Variants in AOC3 observed in about 807,000 individuals in gnomAD.
The protein encoded by AOC3 is amine oxidase copper containing 3.
Under a neutral mutation model 55.4 loss-of-function variants are expected in AOC3, and 47 were observed. That is an observed-to-expected ratio of 0.85 (90% CI 0.67 to 1.08). The LOEUF (loss-of-function observed/expected upper bound fraction) is 1.08. Ranked by LOEUF, AOC3 falls within the 50% of genes least tolerant of loss-of-function variation. The pLI is 0.00. For missense variants in AOC3, 853 were observed against 993.1 expected (o/e 0.86, Z 1.90); for synonymous variants, 386 against 410.7 (o/e 0.94, Z 0.73).
Position 42,852,279 on chromosome 17 carries a change from C to A in AOC3, c.936C>A (p.Pro312=). 3.7e-6 allele frequency: 6 copies of A among 1,614,048 alleles called. No individual in the cohort carries two copies. Among genetic ancestry groups the A allele is most frequent in the Non-Finnish European group, 5.1e-6 (6 of 1,180,012 alleles). ...CCCCTGTGCCCCCGGGTCCAGCTCC[C>A]CCTCTACAGTTCTATCCCCAAGGCC... The part of the protein sequence containing the change: ...LKSPVPPGPA[P]PLQFYPQGPR... Residue 312 remains proline (P), a synonymous_variant, in exon 1 of 4, where the codon CCC becomes CCA. Transcript: ENST00000308423.
Position 42,852,397 on chromosome 17 carries a change from G to GT in AOC3, c.1056dup (p.Arg353SerfsTer10), listed in dbSNP as rs766193612. 1.2e-5 allele frequency: 19 copies of GT among 1,614,048 alleles called. 1 individual carries two copies. In the East Asian group the frequency reaches 2.5e-4, roughly 21 times the overall value. ...ATTCAGTGGCCCAAGGATCTTTGAC[G>GT]TTCGCTTCCAAGGAGAAAGACTAGT... On this transcript the variant is annotated frameshift_variant, in exon 1 of 4. Transcript: ENST00000308423. LOFTEE classifies it high-confidence loss of function.
At position 42,856,409 on chromosome 17, in the gene AOC3, C is replaced by G. The variant is rs760248266; in HGVS notation, c.2151C>G (p.Phe717Leu). The G allele has an allele frequency of 6.2e-7, 1 of 1,614,192 alleles. No individual in the cohort carries two copies. Among genetic ancestry groups the G allele is most frequent in the Non-Finnish European group, 8.5e-7 (1 of 1,180,022 alleles). The stretch of plus-strand genomic sequence containing the variant: ...ACTTCTTTGACGAAGACCCCTCCTT[C>G]TACTCTGCCGACTCCATCTACTTCC... ...PYNFFDEDPS[F>L]YSADSIYFRG... Residue 717 changes from phenylalanine (F) to leucine (L), a missense_variant, in exon 4 of 4, where the codon TTC (phenylalanine) becomes TTG (leucine). Physicochemically the swap from Phe to Leu is conservative, Grantham distance 22. Transcript: ENST00000308423.
intron 2 of AOC3, among the ~76,000 whole-genome samples, 170 bp downstream of exon 2, chr17:42,854,903 G>C (rs34810125): frequency 1.3e-4 from 19 of 149,862 alleles, no homozygotes; most frequent in African/African-American, 4.0e-4. Context: ...CCAGGCCGGA[G>C]TGCAGTGGAG....
Position 42,856,484 on chromosome 17 carries a change from G to T in AOC3, c.2226G>T (p.Leu742=). 1 of 1,611,692 alleles carries T rather than the reference G, an allele frequency of 6.2e-7. No individual in the cohort carries two copies. The highest frequency in any genetic ancestry group is 1.7e-4 in the Middle Eastern group (1 of 5,918). ...GACEVNPLAC[L]PQAAACAPDL... is the part of the protein sequence containing the mutation. ...GCGAGGTCAACCCCCTAGCTTGCCT[G>T]CCCCAGGCTGCTGCCTGTGCCCCCG... The change falls in exon 4 of 4, where the codon CTG becomes CTT. Residue 742 remains leucine (L), a synonymous_variant. Coordinates refer to ENST00000308423, the MANE Select transcript of AOC3 (RefSeq NM_003734.4).
rs951153581 is a variant in AOC3, at chr17:42,856,964, A to G, written c.*414A>G. On this transcript the variant is annotated 3_prime_UTR_variant, in exon 4 of 4. Coordinates refer to ENST00000308423, the MANE Select transcript of AOC3 (RefSeq NM_003734.4). ...CTGCAAGTCCATAGCTGAGCTGGAA[A>G]GGATGCTTCTGCTCACATTCCCTCT... 1.0e-5 allele frequency: 2 copies of G among 197,678 alleles called. No individual in the cohort carries two copies. The highest frequency in any genetic ancestry group is 4.7e-5 in the African/African-American group (2 of 42,738). The allele number at this position is 197,678 out of a possible 1,614,324, so 12.2% of individuals were successfully genotyped here.
rs1475773888 is a variant in AOC3 at position 42,851,926 on chromosome 17, C to T, written c.583C>T (p.Leu195Phe). Residue 195 changes from leucine (L) to phenylalanine (F), a missense_variant, in exon 1 of 4, where the codon CTC (leucine) becomes TTC (phenylalanine). Physicochemically the swap from Leu to Phe is conservative, Grantham distance 22. Transcript: ENST00000308423. ...NRELPQASGL[L>F]HHCCFYKHRG... ...AGAGCTGCCCCAGGCTTCTGGGCTT[C>T]TCCACCACTGTTGCTTCTACAAGCA... 1.2e-6 allele frequency: 2 copies of T among 1,613,794 alleles called. No homozygotes were observed. The highest frequency in any genetic ancestry group is 1.7e-4 in the Middle Eastern group (1 of 6,058).
In AOC3 at chr17:42,856,782, A is replaced by G; in HGVS notation, c.*232A>G. On this transcript the variant is annotated 3_prime_UTR_variant, in exon 4 of 4. Transcript: ENST00000308423. ...TGCCAGCTGTACTGAGTTCTCATCCACAGAGGCCAGGCATGGCCCAGCCTG... is the reference window on the plus strand; with the variant it reads ...TGCCAGCTGTACTGAGTTCTCATCCGCAGAGGCCAGGCATGGCCCAGCCTG... The G allele has an allele frequency of 1.7e-6, 1 of 594,048 alleles. No homozygotes were observed. Among genetic ancestry groups the G allele is most frequent in the Middle Eastern group, 4.5e-4 (1 of 2,238 alleles). The allele number at this position is 594,048 out of a possible 1,614,324, so 36.8% of individuals were successfully genotyped here.
rs79713863 is a variant in AOC3 at position 42,853,734 on chromosome 17, C to T, written c.1601-714C>T. ...TTGTTGCTCTCAGAGCCAAGAGCCA[C>T]TCTGCACCCAGAGGGCCTCCCATCC... On this transcript the variant is annotated intron_variant, in intron 1 of 3. Transcript: ENST00000308423. Among the ~76,000 whole-genome samples, 47 of 152,344 alleles carry T rather than the reference C, an allele frequency of 3.1e-4. 1 individual carries two copies. In the Middle Eastern group the frequency reaches 0.01, roughly 33 times the overall value.
rs1170704938 is a variant in AOC3, at chr17:42,856,833, A to G, written c.*283A>G. ...GAGCCGTGGCCGAGGGCTTCCCTAGATGGTTCCCTTTGTTGCTGTCTGGCT... is the reference window on the plus strand; with the variant it reads ...GAGCCGTGGCCGAGGGCTTCCCTAGGTGGTTCCCTTTGTTGCTGTCTGGCT... On this transcript the variant is annotated 3_prime_UTR_variant, in exon 4 of 4. Coordinates refer to ENST00000308423, the MANE Select transcript of AOC3 (RefSeq NM_003734.4). 1 of 484,722 alleles carries G rather than the reference A, an allele frequency of 2.1e-6. No individual in the cohort carries two copies. Among genetic ancestry groups the G allele is most frequent in the Non-Finnish European group, 3.7e-6 (1 of 271,780 alleles). 30.0% of individuals were successfully genotyped at this position (484,722 alleles called of 1,614,324 possible).
intron 1 of AOC3, chr17:42,853,274 TTC>T: frequency 9.0e-7 from 1 of 1,105,040 alleles, no homozygotes; most frequent in Non-Finnish European, 1.1e-6. Context: ...GGGAGCAGCC[TTC>T]TGTTTGTCAG....
At chr17:42,854,400 G>A in intron 1 of AOC3, 48 bp from the exon 2 acceptor site, 1 of 1,443,132 alleles carries the variant, frequency 6.9e-7, no homozygotes. Flanking sequence ...AGTCCAGAGG[G>A]GCCAGGGCAG....
chr17:42,851,751 C>T lies in AOC3; in HGVS notation c.408C>T (p.Pro136=). 4 of 1,612,620 alleles carry T rather than the reference C, an allele frequency of 2.5e-6. No homozygotes were observed. The highest frequency in any genetic ancestry group is 3.4e-6 in the Non-Finnish European group (4 of 1,179,604). Residue 136 remains proline, a synonymous_variant, in exon 1 of 4, where the codon CCC becomes CCT. Coordinates refer to ENST00000308423, the MANE Select transcript of AOC3 (RefSeq NM_003734.4). ...TCTTCTTTGGCAGGCAACCCCAGCC[C>T]AACGTGAGTGAGCTGGTGGTGGGGC... ...AIVFFGRQPQ[P]NVSELVVGPL... is the part of the protein sequence containing the mutation.
At position 42,852,531 on chromosome 17, in the gene AOC3, G is replaced by T. The variant is rs757676379; in HGVS notation, c.1188G>T (p.Thr396=). Residue 396 remains threonine, a synonymous_variant, in exon 1 of 4, where the codon ACG becomes ACT. Transcript: ENST00000308423. ...GCTTTGGCATGGGCAAGTACACCAC[G>T]CCCCTGACCCGTGGGGTGGACTGCC... is the stretch of plus-strand genomic sequence containing the variant. ...DGGFGMGKYT[T]PLTRGVDCPY... is the part of the protein sequence containing the mutation. 2 of 1,614,096 alleles carry T rather than the reference G, an allele frequency of 1.2e-6. No homozygotes were observed. The highest frequency in any genetic ancestry group is 2.2e-5 in the South Asian group (2 of 91,088).
In AOC3 at chr17:42,855,520, G is replaced by A; in HGVS notation, c.1963G>A (p.Ala655Thr). Residue 655 changes from alanine (A) to threonine (T), a missense_variant, in exon 3 of 4, where the codon GCC becomes ACC. Ala to Thr is a moderately conservative substitution (Grantham distance 58). Coordinates refer to ENST00000308423, the MANE Select transcript of AOC3 (RefSeq NM_003734.4). ...CGTTTTCAATCAGAATGACCCTTGGGCCCCCACTGTGGATTTCAGTGACTT... is the reference window on the plus strand; with the variant it reads ...CGTTTTCAATCAGAATGACCCTTGGACCCCCACTGTGGATTTCAGTGACTT... ...SSVFNQNDPWAPTVDFSDFIN... is the reference protein window; with the variant it reads ...SSVFNQNDPWTPTVDFSDFIN... 5.6e-6 allele frequency: 9 copies of A among 1,614,004 alleles called. No individual in the cohort carries two copies. The highest frequency in any genetic ancestry group is 1.3e-5 in the African/African-American group (1 of 75,032).
rs545859459 is a variant in AOC3, at chr17:42,852,061, C to G, written c.718C>G (p.Leu240Val). Reference protein sequence around the residue: ...YYNISGAGFFLHHVGLELLVN... With the variant: ...YYNISGAGFFVHHVGLELLVN... ...CAACATCTCGGGCGCTGGGTTCTTCCTGCACCACGTGGGCTTGGAGCTGCT... is the reference window on the plus strand; with the variant it reads ...CAACATCTCGGGCGCTGGGTTCTTCGTGCACCACGTGGGCTTGGAGCTGCT... Residue 240 changes from leucine (L) to valine (V), a missense_variant, in exon 1 of 4, where the codon CTG becomes GTG. Physicochemically the swap from Leu to Val is conservative, Grantham distance 32. Coordinates refer to ENST00000308423, the MANE Select transcript of AOC3 (RefSeq NM_003734.4). 5.0e-6 allele frequency: 8 copies of G among 1,613,948 alleles called. No individual in the cohort carries two copies. The South Asian group carries it at 8.8e-5, about 18-fold the overall frequency.
At chr17:42,855,084 A>T (rs905985009) in intron 2 of AOC3, among the ~76,000 whole-genome samples, 8 of 152,156 alleles carry the variant, frequency 5.3e-5, no homozygotes, top group Admixed American at 1.3e-4. Context: ...TGACCTCATG[A>T]TCCACCCTCC....
rs781600135 is a variant in AOC3 at position 42,851,892 on chromosome 17, C to T, written c.549C>T (p.Ile183=). The T allele has an allele frequency of 5.0e-6, 8 of 1,613,616 alleles. No homozygotes were observed. The African/African-American group carries it at 9.3e-5, about 19-fold the overall frequency. ...AGTACCTGGACATAGACCAGATGATCTTCAACAGAGAGCTGCCCCAGGCTT... is the reference window on the plus strand; with the variant it reads ...AGTACCTGGACATAGACCAGATGATTTTCAACAGAGAGCTGCCCCAGGCTT... ...FQEYLDIDQM[I]FNRELPQASG... is the part of the protein sequence containing the mutation. The change falls in exon 1 of 4, where the codon ATC becomes ATT. Residue 183 remains isoleucine (I), a synonymous_variant. Transcript: ENST00000308423.
At position 42,852,430 on chromosome 17, in the gene AOC3, A is replaced by G. The variant is rs2055684699; in HGVS notation, c.1087A>G (p.Ile363Val). 10 of 1,614,206 alleles carry G rather than the reference A, an allele frequency of 6.2e-6. No individual in the cohort carries two copies. Among genetic ancestry groups the G allele is most frequent in the Non-Finnish European group, 7.6e-6 (9 of 1,180,048 alleles). The change falls in exon 1 of 4, where the codon ATA becomes GTA. Residue 363 changes from isoleucine (I) to valine (V), a missense_variant. Physicochemically the swap from Ile to Val is conservative, Grantham distance 29 (BLOSUM62 3). Transcript: ENST00000308423. ...RFQGERLVYEISLQEALAIYG... is the reference protein window; with the variant it reads ...RFQGERLVYEVSLQEALAIYG... ...CCAAGGAGAAAGACTAGTTTATGAG[A>G]TAAGCCTCCAAGAGGCCTTGGCCAT...
chr17:42,851,746 CA>C lies in AOC3; in HGVS notation c.404del (p.Gln135ArgfsTer4), dbSNP rs775773212. ...CATCGTCTTCTTTGGCAGGCAACCC[CA>C]GCCCAACGTGAGTGAGCTGGTGGTG... ...LAIVFFGRQP[Q>X]PNVSELVVGP... On this transcript the variant is annotated frameshift_variant, in exon 1 of 4. Coordinates refer to ENST00000308423, the MANE Select transcript of AOC3 (RefSeq NM_003734.4). LOFTEE classifies it high-confidence loss of function. 1 of 1,612,550 alleles carries C rather than the reference CA, an allele frequency of 6.2e-7. No individual in the cohort carries two copies. The highest frequency in any genetic ancestry group is 8.5e-7 in the Non-Finnish European group (1 of 1,179,544).
Sources: allele counts gnomAD v4.1 joint callset (sites outside exome capture counted in the v4.1 genomes callset), GRCh38; gene constraint gnomAD v4.1.1; transcripts MANE v1.5; gene names NCBI Gene and HGNC (gene_info 2026-07-23, HGNC 2026-07-21).